TAFA2: variants seen among roughly 807,000 people sequenced by gnomAD.
TAFA2 encodes the protein TAFA chemokine like family member 2, also known as chemokine-like protein TAFA-2.
Under a neutral mutation model 18.8 loss-of-function variants are expected in TAFA2, and 7 were observed. The ratio of observed to expected loss-of-function variants is 0.37; its 90% confidence interval spans 0.21 to 0.70. The LOEUF (loss-of-function observed/expected upper bound fraction) is 0.70. Among genes scored for constraint, TAFA2 ranks in the 30% least tolerant of loss-of-function variants. The probability of loss-of-function intolerance (pLI) is 0.53; values close to 1 mark genes in which losing one functional copy is unlikely to be tolerated. For missense variants in TAFA2, 122 were observed against 158.1 expected (o/e 0.77, Z 1.23); for synonymous variants, 60 against 54.2 (o/e 1.11, Z -0.47).
chr12:62,122,529 C>T (rs1042129551), intron 1 of TAFA2, among the ~76,000 whole-genome samples: 10 of 152,082 alleles, frequency 6.6e-5, no homozygotes, highest in Admixed American at 6.6e-4. Flanking sequence ...CTATCATTAT[C>T]GTGTGGTTTT....
intron 1 of TAFA2, among the ~76,000 whole-genome samples, chr12:62,089,401 T>C (rs143929844): frequency 2.0e-5 from 3 of 152,206 alleles, no homozygotes; most frequent in Admixed American, 6.5e-5. Flanking sequence ...TACTATGATT[T>C]CGAATATTAC....
rs112471799 is a variant in TAFA2, at chr12:61,953,310, A to C, written c.-1-85884T>G. Among the ~76,000 whole-genome samples, 52 of 152,260 alleles carry C rather than the reference A, an allele frequency of 3.4e-4. 1 individual carries two copies. Among genetic ancestry groups the C allele is most frequent in the African/African-American group, 1.2e-3 (51 of 41,554 alleles). Reference sequence around the variant, plus strand: ...AAGGTGGTTATTTTGTTTGGATTACAGGTCTCTGTAATAAAAAAGTTAAAT... The same window carrying C: ...AAGGTGGTTATTTTGTTTGGATTACCGGTCTCTGTAATAAAAAAGTTAAAT... On this transcript the variant is annotated intron_variant, in intron 1 of 4. Coordinates refer to ENST00000416284, the MANE Select transcript of TAFA2 (RefSeq NM_178539.5).
intron 2 of TAFA2, among the ~76,000 whole-genome samples, chr12:61,852,458 G>T (rs1873715670): frequency 6.6e-6 from 1 of 152,152 alleles, no homozygotes; most frequent in African/African-American, 2.4e-5. Flanking sequence ...AACAGCAGCT[G>T]CTCTGAGAGG....
At chr12:62,057,934 AATTCATT>A (rs980941106) in intron 1 of TAFA2, among the ~76,000 whole-genome samples, 1 of 152,170 alleles carries the variant, frequency 6.6e-6, no homozygotes, top group African/African-American at 2.4e-5. Flanking sequence ...ATCACTTCTG[AATTCATT>A]ATTTATAATT....
chr12:62,079,611 C>T (rs950992811), intron 1 of TAFA2, among the ~76,000 whole-genome samples: 2 of 151,764 alleles, frequency 1.3e-5, no homozygotes, highest in Admixed American at 1.3e-4. Flanking sequence ...TTGCAGTAAG[C>T]CGAGATCGTG....
At chr12:61,894,619 T>G (rs1875765251) in intron 1 of TAFA2, among the ~76,000 whole-genome samples, 1 of 152,206 alleles carries the variant, frequency 6.6e-6, no homozygotes, top group Admixed American at 6.5e-5. Context: ...CTGGTGATAT[T>G]CATACATGAA....
intron 1 of TAFA2, among the ~76,000 whole-genome samples, chr12:62,148,202 C>T (rs1164318842): frequency 6.6e-6 from 1 of 152,004 alleles, no homozygotes; most frequent in Non-Finnish European, 1.5e-5. Flanking sequence ...TCCAGCAATC[C>T]CAAAGGAAAA....
intron 1 of TAFA2, among the ~76,000 whole-genome samples, chr12:62,234,133 G>T (rs2062824809): frequency 6.6e-6 from 1 of 152,184 alleles, no homozygotes; most frequent in Non-Finnish European, 1.5e-5. Context: ...ATATGTCCAA[G>T]AAATGGGAGG....
At chr12:62,162,859 A>G (rs2062415050) in intron 1 of TAFA2, among the ~76,000 whole-genome samples, 1 of 152,036 alleles carries the variant, frequency 6.6e-6, no homozygotes, top group Admixed American at 6.6e-5. Flanking sequence ...AAGAAGAAAA[A>G]AGTGGTCAGC....
intron 2 of TAFA2, among the ~76,000 whole-genome samples, chr12:61,765,860 A>G (rs1869767357): frequency 6.6e-6 from 1 of 152,220 alleles, no homozygotes; most frequent in Non-Finnish European, 1.5e-5. Flanking sequence ...GGAACTGGTG[A>G]TGAGAAAACA....
intron 1 of TAFA2, among the ~76,000 whole-genome samples, chr12:61,908,580 G>GT (rs1319177644): frequency 6.6e-6 from 1 of 151,964 alleles, no homozygotes; most frequent in African/African-American, 2.4e-5. Flanking sequence ...CGGATTCCAG[G>GT]TACGCTCAAA....
chr12:61,715,478 A>G (rs1199084449), intron 4 of TAFA2, among the ~76,000 whole-genome samples: 1 of 151,882 alleles, frequency 6.6e-6, no homozygotes, highest in Admixed American at 6.6e-5. Context: ...CCTCCCGAGT[A>G]GCTGGGACCA....
chr12:62,154,672 C>T (rs10877802), intron 1 of TAFA2, among the ~76,000 whole-genome samples: 18,764 of 59,612 alleles, frequency 0.31, 1,556 homozygotes, highest in East Asian at 0.55. Context: ...CACGTGCATC[C>T]GGTATCATGA....
intron 1 of TAFA2, among the ~76,000 whole-genome samples, chr12:61,940,654 C>T (rs1267707055): frequency 6.6e-6 from 1 of 152,104 alleles, no homozygotes; most frequent in Admixed American, 6.6e-5. Flanking sequence ...AGAGTGATAC[C>T]CCCAGAATGG....
rs374037182 is a variant in TAFA2 at position 61,893,688 on chromosome 12, C to T, written c.-1-26262G>A. On this transcript the variant is annotated intron_variant, in intron 1 of 4. Transcript: ENST00000416284. ...TTTAATAAACAACTCCAAAGATACA[C>T]GTACATAAAAATATTCCACTTATAA... 1.5e-4 allele frequency among the ~76,000 whole-genome samples: 23 copies of T among 152,234 alleles called. No individual in the cohort carries two copies. The East Asian group carries it at 2.1e-3, about 14-fold the overall frequency.
At chr12:61,869,852 A>T (rs1479520744) in intron 1 of TAFA2, among the ~76,000 whole-genome samples, 1 of 152,106 alleles carries the variant, frequency 6.6e-6, no homozygotes, top group East Asian at 1.9e-4. Context: ...CTCTGCATCT[A>T]ATCCCTGCAA....
chr12:61,864,328 A>C (rs1874252629), intron 2 of TAFA2, among the ~76,000 whole-genome samples: 1 of 150,230 alleles, frequency 6.7e-6, no homozygotes, highest in Non-Finnish European at 1.5e-5. Context: ...ATCAGATAGA[A>C]ATATATAGAA....
intron 2 of TAFA2, among the ~76,000 whole-genome samples, chr12:61,834,026 T>G (rs756689046): frequency 6.6e-6 from 1 of 152,078 alleles, no homozygotes; most frequent in African/African-American, 2.4e-5. Context: ...CTATACCTCC[T>G]GATCCCATCA....
At chr12:62,162,419 T>C (rs2062412748) in intron 1 of TAFA2, among the ~76,000 whole-genome samples, 1 of 152,198 alleles carries the variant, frequency 6.6e-6, no homozygotes, top group South Asian at 2.1e-4. Context: ...CTTGAAACTG[T>C]GTATATAGTG....
Sources: allele counts gnomAD v4.1 joint callset (sites outside exome capture counted in the v4.1 genomes callset), GRCh38; gene constraint gnomAD v4.1.1; transcripts MANE v1.5; gene names NCBI Gene and HGNC (gene_info 2026-07-23, HGNC 2026-07-21).